The following DLG2 variants were observed in gnomAD, a reference collection of about 807,000 sequenced individuals.
DLG2 encodes the protein disks large homolog 2.
A neutral mutation model predicts 132.5 loss-of-function variants in DLG2; 45 were observed. The observed-to-expected ratio is 0.34, with a 90% CI of 0.27 to 0.44. The LOEUF (loss-of-function observed/expected upper bound fraction) is 0.44. DLG2 is among the 20% of genes least tolerant of loss of function. DLG2 has a pLI of 1.00. For missense variants in DLG2, 1,045 were observed against 1,196.9 expected, an observed-to-expected ratio of 0.87 and a Z score of 1.87; for synonymous variants, 424 against 419.6, an observed-to-expected ratio of 1.01 and a Z score of -0.13.
At chr11:84,406,221 C>T (rs1228892645) in intron 7 of DLG2, among the ~76,000 whole-genome samples, 1 of 152,196 alleles carries the variant, frequency 6.6e-6, no homozygotes, top group Non-Finnish European at 1.5e-5. Context: ...TACCTACCCA[C>T]AAACACAGGT....
chr11:83,985,333 T>A (rs2093179420), intron 11 of DLG2, among the ~76,000 whole-genome samples: 1 of 152,044 alleles, frequency 6.6e-6, no homozygotes, highest in Admixed American at 6.6e-5. Context: ...GACGTTTCTT[T>A]TTTTATTTTT....
At chr11:85,012,691 A>G (rs994908998) in intron 6 of DLG2, among the ~76,000 whole-genome samples, 5 of 152,202 alleles carry the variant, frequency 3.3e-5, no homozygotes, top group African/African-American at 1.2e-4. Flanking sequence ...TGTTATGGAT[A>G]TAAAATATTA....
intron 3 of DLG2, among the ~76,000 whole-genome samples, chr11:85,369,608 T>C (rs2084821963): frequency 6.6e-6 from 1 of 152,226 alleles, no homozygotes; most frequent in Admixed American, 6.5e-5. Context: ...GTGCTTTGCC[T>C]GTCTGCATGG....
intron 19 of DLG2, among the ~76,000 whole-genome samples, chr11:83,628,546 A>G (rs1176463190): frequency 6.6e-6 from 1 of 152,162 alleles, no homozygotes; most frequent in African/African-American, 2.4e-5. Flanking sequence ...TGGAGGCAAT[A>G]TCCCCTGAAT....
At chr11:85,297,715 G>A (rs943120406) in intron 3 of DLG2, among the ~76,000 whole-genome samples, 3 of 152,106 alleles carry the variant, frequency 2.0e-5, no homozygotes, top group African/African-American at 7.2e-5. Flanking sequence ...CTCTGGTGGT[G>A]AAGGAGTTTG....
At chr11:84,950,147 A>T (rs1441861739) in intron 6 of DLG2, among the ~76,000 whole-genome samples, 1 of 152,186 alleles carries the variant, frequency 6.6e-6, no homozygotes, top group Non-Finnish European at 1.5e-5. Flanking sequence ...ATTAGAGTAC[A>T]TCATGCTTAA....
intron 7 of DLG2, among the ~76,000 whole-genome samples, chr11:84,486,308 G>C (rs1408639139): frequency 6.6e-6 from 1 of 152,118 alleles, no homozygotes; most frequent in Non-Finnish European, 1.5e-5. Flanking sequence ...AAGTTCATCT[G>C]TCCCAAACAG....
chr11:84,203,568 C>T (rs184896285), intron 8 of DLG2, among the ~76,000 whole-genome samples: 3 of 115,398 alleles, frequency 2.6e-5, no homozygotes, highest in East Asian at 2.7e-4. Flanking sequence ...GGCAACAGAG[C>T]GAGACTCCGT....
At chr11:83,969,253 A>G (rs1386184620) in intron 12 of DLG2, among the ~76,000 whole-genome samples, 1 of 152,228 alleles carries the variant, frequency 6.6e-6, no homozygotes, top group Non-Finnish European at 1.5e-5. Context: ...ATGTTGATTC[A>G]TTAAAAGCTA....
intron 15 of DLG2, among the ~76,000 whole-genome samples, chr11:83,921,508 A>G (rs999153486): frequency 2.0e-5 from 3 of 152,194 alleles, no homozygotes; most frequent in Non-Finnish European, 4.4e-5. Flanking sequence ...TGGTACATAT[A>G]AAACTTCTGG....
chr11:84,349,837 A>ATATAT (rs1567365167), intron 7 of DLG2, among the ~76,000 whole-genome samples: 21 of 150,704 alleles, frequency 1.4e-4, no homozygotes, highest in African/African-American at 4.9e-4. Context: ...CTGCCTCTAA[A>ATATAT]ATATATATAT....
In DLG2 at chr11:84,396,283, C is replaced by A. The variant is rs180740604; in HGVS notation, c.519+138287G>T. ...TTCAAAGTACTGTACTAGGTTTATACGGGCTACATAGTTTTATAGTTAATT... is the reference window on the plus strand; with the variant it reads ...TTCAAAGTACTGTACTAGGTTTATAAGGGCTACATAGTTTTATAGTTAATT... On this transcript the variant is annotated intron_variant, in intron 7 of 27. Coordinates refer to ENST00000376104, the MANE Select transcript of DLG2 (RefSeq NM_001142699.3). 4.0e-4 allele frequency among the ~76,000 whole-genome samples: 61 copies of A among 152,152 alleles called. 1 individual carries two copies. Among genetic ancestry groups the A allele is most frequent in the Middle Eastern group, 6.8e-3 (2 of 294 alleles).
In DLG2 at chr11:85,400,796, A is replaced by C. The variant is rs956984948; in HGVS notation, c.41-115431T>G. ...GGAGACTGTTGTGGGGTGGGGGGAG[A>C]GGGGAGGGATAGCATTAGGAGATAT... On this transcript the variant is annotated intron_variant, in intron 3 of 27. Coordinates refer to ENST00000376104, the MANE Select transcript of DLG2 (RefSeq NM_001142699.3). Among the ~76,000 whole-genome samples, 16 of 150,388 alleles carry C rather than the reference A, an allele frequency of 1.1e-4. 1 individual carries two copies. The East Asian group carries it at 1.4e-3, about 13-fold the overall frequency.
At chr11:84,813,033 T>G (rs1352618513) in intron 6 of DLG2, among the ~76,000 whole-genome samples, 1 of 152,178 alleles carries the variant, frequency 6.6e-6, no homozygotes, top group East Asian at 1.9e-4. Flanking sequence ...TCATTCTTGA[T>G]GTTTAATAGG....
chr11:84,333,409 A>G (rs1600093722), intron 7 of DLG2, among the ~76,000 whole-genome samples: 2 of 152,362 alleles, frequency 1.3e-5, no homozygotes, highest in Middle Eastern at 6.8e-3. Context: ...CTGATTTGGC[A>G]TTCAATCCAC....
At chr11:85,393,814 A>C (rs1197637554) in intron 3 of DLG2, among the ~76,000 whole-genome samples, 1 of 152,158 alleles carries the variant, frequency 6.6e-6, no homozygotes, top group Non-Finnish European at 1.5e-5. Flanking sequence ...GAATAGAAAA[A>C]CTAAACATCT....
intron 3 of DLG2, among the ~76,000 whole-genome samples, chr11:85,412,992 T>G (rs1389357672): frequency 1.3e-5 from 2 of 151,844 alleles, no homozygotes; most frequent in Non-Finnish European, 2.9e-5. Flanking sequence ...CTCCAAACTG[T>G]TTTCCATAGT....
At chr11:83,499,867 A>C (rs1186734068) in intron 21 of DLG2, among the ~76,000 whole-genome samples, 1 of 58,830 alleles carries the variant, frequency 1.7e-5, no homozygotes, top group Non-Finnish European at 3.2e-5. Context: ...ATATATATAT[A>C]TATATATATA....
chr11:84,882,609 GA>G (rs371511916), intron 6 of DLG2, among the ~76,000 whole-genome samples: 2 of 152,154 alleles, frequency 1.3e-5, no homozygotes, highest in East Asian at 3.9e-4. Context: ...CAGTGATTGT[GA>G]GAGATTTGAG....
Sources: gnomAD v4.1 joint callset for allele counts (sites outside exome capture counted in the v4.1 genomes callset) on GRCh38, gnomAD v4.1.1 for gene constraint, MANE v1.5 for transcripts, NCBI Gene and HGNC (gene_info 2026-07-23, HGNC 2026-07-21) for gene names.